DDX1: variants seen among roughly 807,000 people sequenced by gnomAD.
DDX1 encodes the protein DEAD-box helicase 1, also known as ATP-dependent RNA helicase DDX1.
A neutral mutation model predicts 108.7 loss-of-function variants in DDX1; 28 were observed. The ratio of observed to expected loss-of-function variants is 0.26; its 90% CI spans 0.19 to 0.35. The LOEUF (loss-of-function observed/expected upper bound fraction) is 0.35. Among genes scored for constraint, DDX1 ranks in the 10% least tolerant of loss-of-function variants. The pLI is 1.00. For synonymous variants in DDX1, 295 were observed against 288.9 expected (o/e 1.02, Z -0.21); for missense variants, 710 against 884.5 (o/e 0.80, Z 2.50).
chr2:15,611,683 C>CA (rs1665764298), intron 13 of DDX1, among the ~76,000 whole-genome samples: 2 of 107,002 alleles, frequency 1.9e-5, no homozygotes, highest in East Asian at 3.0e-4. Flanking sequence ...GCTGGCCGGG[C>CA]GGGGGGCTGA....
intron 6 of DDX1, among the ~76,000 whole-genome samples, chr2:15,600,912 C>T (rs1370979816): frequency 6.6e-6 from 1 of 151,832 alleles, no homozygotes; most frequent in African/African-American, 2.4e-5. Context: ...ACTCTAAATT[C>T]CACTGATAAT....
At chr2:15,624,060 A>G (rs182703961) in intron 19 of DDX1, among the ~76,000 whole-genome samples, 14 of 152,338 alleles carry the variant, frequency 9.2e-5, no homozygotes, top group African/African-American at 3.4e-4. Context: ...TGTAAGTATC[A>G]GTGGACACGG....
intron 13 of DDX1, among the ~76,000 whole-genome samples, chr2:15,612,496 G>A (rs943164820): frequency 1.6e-4 from 24 of 151,302 alleles, no homozygotes; most frequent in South Asian, 4.2e-4. Context: ...GATGGCGGCC[G>A]GGCAGAGACG....
intron 20 of DDX1, 176 bp downstream of exon 20, chr2:15,627,321 G>A: frequency 2.2e-6 from 1 of 459,872 alleles, no homozygotes; most frequent in Non-Finnish European, 3.9e-6. Flanking sequence ...ACACTCAAAT[G>A]GTAAATTATA....
At chr2:15,623,291 T>C in intron 18 of DDX1, 145 bp from the exon 19 acceptor site, 6 of 675,742 alleles carry the variant, frequency 8.9e-6, no homozygotes, top group Non-Finnish European at 1.5e-5. Flanking sequence ...TTACTTCTTG[T>C]CCTTATCTAT....
intron 25 of DDX1, among the ~76,000 whole-genome samples, chr2:15,630,524 G>T (rs1237575962): frequency 6.6e-6 from 1 of 152,196 alleles, no homozygotes; most frequent in African/African-American, 2.4e-5. Context: ...TAAGACTCAG[G>T]CCTAACTAGT....
At chr2:15,608,304 G>T (rs1016036229) in intron 13 of DDX1, among the ~76,000 whole-genome samples, 2 of 152,062 alleles carry the variant, frequency 1.3e-5, no homozygotes, top group Admixed American at 6.6e-5. Flanking sequence ...CGAGGTGGGC[G>T]GTCACCTGAG....
At position 15,613,277 on chromosome 2, in the gene DDX1, A is replaced by C. The variant is rs748866077; in HGVS notation, c.1010A>C (p.Glu337Ala). 1.9e-6 allele frequency: 3 copies of C among 1,603,228 alleles called. No individual in the cohort carries two copies. The South Asian group carries it at 3.4e-5, about 18-fold the overall frequency. The change falls in exon 14 of 26, where the codon GAA becomes GCA. Residue 337 changes from glutamate (E) to alanine (A), a missense_variant. This residue lies in a region of DDX1 where 661 missense variants were observed against 810.2 expected (regional missense o/e 0.82). Transcript: ENST00000233084. ...VAARDQLSVL[E>A]NGVDIVVGTP... ...GCCCGGGATCAGCTCTCTGTTTTGGAAAATGGAGTAAGTTGTAGTTTTAAT... is the reference window on the plus strand; with the variant it reads ...GCCCGGGATCAGCTCTCTGTTTTGGCAAATGGAGTAAGTTGTAGTTTTAAT...
rs745607368 is a variant in DDX1, at chr2:15,613,293, T to C, written c.1017+9T>C. 4.5e-5 allele frequency: 71 copies of C among 1,591,910 alleles called. No homozygotes were observed. The Middle Eastern group carries it at 5.1e-4, about 12-fold the overall frequency. On this transcript the variant is annotated intron_variant, in intron 14 of 25. Coordinates refer to ENST00000233084, the MANE Select transcript of DDX1 (RefSeq NM_004939.3). ...CTGTTTTGGAAAATGGAGTAAGTTG[T>C]AGTTTTAATTTTTAAAACATAATGT...
At position 15,630,943 on chromosome 2, in the gene DDX1, G is replaced by A. The variant is rs1243466030; in HGVS notation, c.*37G>A. 6.2e-7 allele frequency: 1 copy of A among 1,604,422 alleles called. No individual in the cohort carries two copies. Among genetic ancestry groups the A allele is most frequent in the East Asian group, 2.2e-5 (1 of 44,740 alleles). Reference sequence around the variant, plus strand: ...ACTGAATAAGATTTGAGTAATGAAAGTCTGTAGTCTTAAAACTCTAAAACA... The same window carrying A: ...ACTGAATAAGATTTGAGTAATGAAAATCTGTAGTCTTAAAACTCTAAAACA... On this transcript the variant is annotated 3_prime_UTR_variant, in exon 26 of 26. Coordinates refer to ENST00000233084, the MANE Select transcript of DDX1 (RefSeq NM_004939.3).
intron 19 of DDX1, among the ~76,000 whole-genome samples, chr2:15,623,958 A>G (rs1468528521): frequency 6.6e-6 from 1 of 152,224 alleles, no homozygotes. Context: ...AAACAAGAGC[A>G]AGAAAGGAAG....
intron 1 of DDX1, among the ~76,000 whole-genome samples, chr2:15,593,495 C>G (rs1278417318): frequency 2.0e-5 from 3 of 152,100 alleles, no homozygotes; most frequent in African/African-American, 7.2e-5. Flanking sequence ...ACTTAAGGTC[C>G]GCTTTCAAAG....
intron 25 of DDX1, among the ~76,000 whole-genome samples, chr2:15,630,450 G>A (rs1375778040): frequency 6.6e-6 from 1 of 152,200 alleles, no homozygotes. Flanking sequence ...AACTCAGGTG[G>A]TAATTCAGCA....
chr2:15,627,010 CAGA>C (rs1351631958), intron 19 of DDX1, 41 bp from the exon 20 acceptor site: 9 of 1,303,694 alleles, frequency 6.9e-6, no homozygotes, highest in Non-Finnish European at 9.9e-6. Flanking sequence ...TAGTCTTAGG[CAGA>C]AGATTTTCCA....
chr2:15,611,407 C>T (rs1403023585), intron 13 of DDX1, among the ~76,000 whole-genome samples: 3 of 150,706 alleles, frequency 2.0e-5, no homozygotes, highest in Admixed American at 1.3e-4. Context: ...GGGCACACCT[C>T]CCAGACGGGG....
intron 1 of DDX1, among the ~76,000 whole-genome samples, chr2:15,592,294 C>G (rs958842276): frequency 2.0e-5 from 3 of 152,198 alleles, no homozygotes; most frequent in African/African-American, 7.2e-5. Flanking sequence ...TGCCTCTTAA[C>G]GTGGCAGTGA....
chr2:15,594,858 C>T (rs906803052), intron 1 of DDX1, among the ~76,000 whole-genome samples: 4 of 152,200 alleles, frequency 2.6e-5, no homozygotes, highest in African/African-American at 9.7e-5. Flanking sequence ...ATGATTATCT[C>T]TGGTCTTCAT....
chr2:15,608,527 CAAAAAA>C (rs201822266), intron 13 of DDX1, among the ~76,000 whole-genome samples: 4 of 93,970 alleles, frequency 4.3e-5, no homozygotes, highest in Non-Finnish European at 2.1e-5. Context: ...GACTCCGTCT[CAAAAAA>C]AAAAAAAAAA....
Position 15,605,933 on chromosome 2 carries a change from C to T in DDX1, c.626-17C>T. On this transcript the variant is annotated splice_polypyrimidine_tract_variant and intron_variant, in intron 10 of 25. Coordinates refer to ENST00000233084, the MANE Select transcript of DDX1 (RefSeq NM_004939.3). ...TTTCTGATTGTTTTAATCTCTCTCT[C>T]TCTCTTGTTTTTTAAGGAAAAGATC... is the stretch of plus-strand genomic sequence containing the variant. The T allele has an allele frequency of 6.6e-7, 1 of 1,516,244 alleles. No individual in the cohort carries two copies. Among genetic ancestry groups the T allele is most frequent in the Non-Finnish European group, 8.9e-7 (1 of 1,127,514 alleles). The allele number at this position is 1,516,244 out of a possible 1,614,324, so 93.9% of individuals were successfully genotyped here. A position where few individuals can be genotyped will look rare whatever the true frequency, so the allele number is the denominator to read the frequency against.
Sources: allele counts gnomAD v4.1 joint callset (sites outside exome capture counted in the v4.1 genomes callset), GRCh38; gene constraint gnomAD v4.1.1; regional missense constraint gnomAD v4.1.1; transcripts MANE v1.5; gene names NCBI Gene and HGNC (gene_info 2026-07-23, HGNC 2026-07-21).